LLGL2: variants seen among roughly 807,000 people sequenced by gnomAD.
LLGL2 encodes the protein LLGL scribble cell polarity complex component 2, also known as LLGL2, scribble cell polarity complex component.
Under a neutral mutation model 123.2 loss-of-function variants are expected in LLGL2, and 81 were observed. That is an observed-to-expected ratio of 0.66 (90% confidence interval 0.55 to 0.79). The LOEUF (loss-of-function observed/expected upper bound fraction) is 0.79, where lower values mean the gene tolerates loss of function less well. Ranked by LOEUF, LLGL2 falls within the 30% of genes least tolerant of loss-of-function variation. The pLI, the probability that LLGL2 is intolerant of heterozygous loss-of-function variation, is 0.00. For synonymous variants in LLGL2, 577 were observed against 594.1 expected, an observed-to-expected ratio of 0.97 and a Z score of 0.42; for missense variants, 1,273 against 1,414.6, an observed-to-expected ratio of 0.90 and a Z score of 1.61.
Position 75,571,139 on chromosome 17 carries a change from G to A in LLGL2, c.2176+39G>A, listed in dbSNP as rs372442669. ...CTGGGGTTGGGGGGCAGGGGGTAGT[G>A]GGCAGCAGACACCCCCTGACCTGGG... is the stretch of plus-strand genomic sequence containing the variant. On this transcript the variant is annotated intron_variant, in intron 17 of 25. Coordinates refer to ENST00000392550, the MANE Select transcript of LLGL2 (RefSeq NM_001031803.2). 6 of 1,544,122 alleles carry A rather than the reference G, an allele frequency of 3.9e-6. No individual in the cohort carries two copies. The African/African-American group carries it at 5.4e-5, about 14-fold the overall frequency.
At chr17:75,570,520 C>T (rs373111180) in intron 16 of LLGL2, 22 bp downstream of exon 16, 573 of 1,552,698 alleles carry the variant, frequency 3.7e-4, no homozygotes, top group Non-Finnish European at 4.8e-4. Flanking sequence ...GGTGAGGCTG[C>T]GGCCGGCCAC....
chr17:75,573,123 A>T lies in LLGL2; in HGVS notation c.2570A>T (p.Glu857Val), dbSNP rs1281196687. 1 of 1,613,006 alleles carries T rather than the reference A, an allele frequency of 6.2e-7. No homozygotes were observed. ...SVAHFGSRRA[E>V]DYGEHHLAVL... The stretch of plus-strand genomic sequence containing the variant: ...GCCCACTTCGGCAGTCGTCGAGCCG[A>T]GGACTACGGGGAGCACCACCTGGCA... The change falls in exon 20 of 26, where the codon GAG becomes GTG. Residue 857 changes from glutamate (E) to valine (V), a missense_variant. Physicochemically the swap from Glu to Val is moderately radical, Grantham distance 121. Coordinates refer to ENST00000392550, the MANE Select transcript of LLGL2 (RefSeq NM_001031803.2).
intron 1 of LLGL2, among the ~76,000 whole-genome samples, chr17:75,540,943 G>A (rs2054183466): frequency 6.6e-6 from 1 of 152,160 alleles, no homozygotes; most frequent in South Asian, 2.1e-4. Flanking sequence ...GGATTTTCTT[G>A]TCTGTATTTG....
At position 75,563,770 on chromosome 17, in the gene LLGL2, C is replaced by T. The variant is rs758043668; in HGVS notation, c.845C>T (p.Ala282Val). The T allele has an allele frequency of 2.5e-6, 4 of 1,614,032 alleles. No homozygotes were observed. The highest frequency in any genetic ancestry group is 2.5e-6 in the Non-Finnish European group (3 of 1,180,018). The change falls in exon 9 of 26, where the codon GCG becomes GTG. Residue 282 changes from alanine (A) to valine (V), a missense_variant. By Grantham distance (64) the Ala-to-Val change is moderately conservative. Coordinates refer to ENST00000392550, the MANE Select transcript of LLGL2 (RefSeq NM_001031803.2). ...CTTTCAGGTCCCTTTCCTTGCAAAG[C>T]GATTACCAGAATCCTCTGGCTGACC... ...LVPYGPFPCKAITRILWLTTR... is the reference protein window; with the variant it reads ...LVPYGPFPCKVITRILWLTTR...
At position 75,574,925 on chromosome 17, in the gene LLGL2, G is replaced by C; in HGVS notation, c.*47G>C. On this transcript the variant is annotated 3_prime_UTR_variant, in exon 26 of 26. Coordinates refer to ENST00000392550, the MANE Select transcript of LLGL2 (RefSeq NM_001031803.2). ...GCGATGAGCACACACTACTACTGAT[G>C]GCCTTTCGGGGGTCCCTGCCCCAAC... 2 of 1,613,678 alleles carry C rather than the reference G, an allele frequency of 1.2e-6. No individual in the cohort carries two copies. Among genetic ancestry groups the C allele is most frequent in the Non-Finnish European group, 1.7e-6 (2 of 1,179,878 alleles).
At chr17:75,563,944 G>A (rs951361932) in intron 9 of LLGL2, 138 bp downstream of exon 9, 6 of 851,806 alleles carry the variant, frequency 7.0e-6, no homozygotes, top group Non-Finnish European at 1.2e-5. Context: ...ACCAGGGAGG[G>A]GAGACAGGGT....
At chr17:75,551,652 G>C (rs2054680315) in intron 2 of LLGL2, among the ~76,000 whole-genome samples, 1 of 152,078 alleles carries the variant, frequency 6.6e-6, no homozygotes, top group African/African-American at 2.4e-5. Context: ...AGAACTGCCC[G>C]CCCTTGACTT....
Position 75,570,367 on chromosome 17 carries a change from G to A in LLGL2, c.1894G>A (p.Asp632Asn). 6.2e-7 allele frequency: 1 copy of A among 1,612,014 alleles called. No individual in the cohort carries two copies. The highest frequency in any genetic ancestry group is 8.5e-7 in the Non-Finnish European group (1 of 1,179,524). Residue 632 changes from aspartate (D) to asparagine (N), a missense_variant, in exon 16 of 26, where the codon GAC becomes AAC. By Grantham distance (23) the Asp-to-Asn change is conservative. Transcript: ENST00000392550. ...CCCAAGGTGCACACTGCACCCCAGT[G>A]ACCAGCTGGCCTTGGAGGGCCCACT... ...VFVKCTLHPS[D>N]QLALEGPLSR...
intron 2 of LLGL2, among the ~76,000 whole-genome samples, chr17:75,548,180 G>A (rs186685524): frequency 6.6e-6 from 1 of 151,682 alleles, no homozygotes; most frequent in African/African-American, 2.4e-5. Flanking sequence ...CCCTCTATTC[G>A]CAATCATTTT....
Position 75,569,507 on chromosome 17 carries a change from G to T in LLGL2, c.1581+182G>T, listed in dbSNP as rs16968009. On this transcript the variant is annotated intron_variant, in intron 14 of 25. Coordinates refer to ENST00000392550, the MANE Select transcript of LLGL2 (RefSeq NM_001031803.2). ...GATGGTTGTTTCTTCTCCAGAAATCGGAATTAAGGGCTGGGCCGGGCACGG... is the reference window on the plus strand; with the variant it reads ...GATGGTTGTTTCTTCTCCAGAAATCTGAATTAAGGGCTGGGCCGGGCACGG... Among the ~76,000 whole-genome samples, 45 of 152,238 alleles carry T rather than the reference G, an allele frequency of 3.0e-4. 1 individual carries two copies. The East Asian group carries it at 8.3e-3, about 28-fold the overall frequency.
rs530358838 is a variant in LLGL2, at chr17:75,559,634, G to A, written c.530+224G>A. ...AAAAAGGGGGCTTTGAGGGTCCCTCGTCTAAAGGCCCCAAATGACTGTGTA... is the reference window on the plus strand; with the variant it reads ...AAAAAGGGGGCTTTGAGGGTCCCTCATCTAAAGGCCCCAAATGACTGTGTA... On this transcript the variant is annotated intron_variant, in intron 6 of 25. Coordinates refer to ENST00000392550, the MANE Select transcript of LLGL2 (RefSeq NM_001031803.2). This position sits in a 1 kb window ranked among gnomAD's most constrained non-coding sequence, Gnocchi z 4.6. Among the ~76,000 whole-genome samples the A allele has an allele frequency of 2.6e-5, 4 of 152,354 alleles. No individual in the cohort carries two copies. Among genetic ancestry groups the A allele is most frequent in the East Asian group, 3.9e-4 (2 of 5,184 alleles).
At position 75,561,500 on chromosome 17, in the gene LLGL2, G is replaced by T. The variant is rs1043438148; in HGVS notation, c.531-1516G>T. Among the ~76,000 whole-genome samples, 3 of 152,168 alleles carry T rather than the reference G, an allele frequency of 2.0e-5. No individual in the cohort carries two copies. In the South Asian group the frequency reaches 6.2e-4, roughly 32 times the overall value. On this transcript the variant is annotated intron_variant, in intron 6 of 25. Coordinates refer to ENST00000392550, the MANE Select transcript of LLGL2 (RefSeq NM_001031803.2). ...AAATTAGTTGGGCAAGGCGGCACAC[G>T]TCTGCAGTCTCAGCTACTTGGGAGG...
chr17:75,567,953 A>G (rs1254193922), intron 10 of LLGL2: 12 of 561,986 alleles, frequency 2.1e-5, no homozygotes, highest in African/African-American at 2.5e-5. Flanking sequence ...GAGAAAAGAA[A>G]AAAAAAAAAA....
chr17:75,551,351 G>T (rs1303610416), intron 2 of LLGL2, among the ~76,000 whole-genome samples: 1 of 152,158 alleles, frequency 6.6e-6, no homozygotes, highest in Non-Finnish European at 1.5e-5. Flanking sequence ...CCGTTTATTA[G>T]ATGAGAAATG....
rs145704166 is a variant in LLGL2, at chr17:75,558,230, C to T, written c.249C>T (p.Pro83=). 3.1e-4 allele frequency: 499 copies of T among 1,612,058 alleles called. No individual in the cohort carries two copies. Among genetic ancestry groups the T allele is most frequent in the Admixed American group, 1.1e-3 (69 of 60,022 alleles). The change falls in exon 4 of 26, where the codon CCC becomes CCT. Residue 83 remains proline, a synonymous_variant. Transcript: ENST00000392550. The surrounding 1 kb of genome is among the most constrained non-coding windows in gnomAD (Gnocchi z 4.0). ...NNAVTQIHLL[P]GQCQLVTLLD... ...CTGTGACGCAGATCCACCTCCTGCC[C>T]GGCCAGGTGAGGGACCTGGGGTGGG...
At chr17:75,546,834 AGGGCAGGTCCAGCAGACAGGCGG>A (rs1568033455) in intron 2 of LLGL2, among the ~76,000 whole-genome samples, 11 of 144,164 alleles carry the variant, frequency 7.6e-5, no homozygotes, top group Non-Finnish European at 1.4e-4. Context: ...AGACAGGCGG[AGGGCAGGTCCAGCAGACAGGCGG>A]AGGGCAGGTC....
chr17:75,536,043 C>G (rs1413981691), intron 1 of LLGL2, among the ~76,000 whole-genome samples: 1 of 152,238 alleles, frequency 6.6e-6, no homozygotes, highest in African/African-American at 2.4e-5. Context: ...CGGCCCGGCT[C>G]TAAACCCTGG....
In LLGL2 at chr17:75,559,145, C is replaced by A; in HGVS notation, c.372-107C>A. 1 of 1,171,028 alleles carries A rather than the reference C, an allele frequency of 8.5e-7. No individual in the cohort carries two copies. Among genetic ancestry groups the A allele is most frequent in the South Asian group, 1.6e-5 (1 of 62,004 alleles). 72.5% of individuals were successfully genotyped at this position (1,171,028 alleles called of 1,614,324 possible). ...GTCCTGGCTTGAAATGTTATGACCT[C>A]ATTAAAGGGCCTTATGGGCTTGTTT... On this transcript the variant is annotated intron_variant, in intron 5 of 25. Transcript: ENST00000392550. This position sits in a 1 kb window ranked among gnomAD's most constrained non-coding sequence, Gnocchi z 4.6.
intron 2 of LLGL2, among the ~76,000 whole-genome samples, chr17:75,555,390 C>T (rs1043069838): frequency 6.7e-6 from 1 of 149,828 alleles, no homozygotes; most frequent in Non-Finnish European, 1.5e-5. Context: ...AGTTTTTGTT[C>T]TTAAACATCT....
Sources: allele counts gnomAD v4.1 joint callset (sites outside exome capture counted in the v4.1 genomes callset), GRCh38; gene constraint gnomAD v4.1.1; non-coding constraint Gnocchi (gnomAD v3.1); transcripts MANE v1.5; gene names NCBI Gene and HGNC (gene_info 2026-07-23, HGNC 2026-07-21).